The following HECW2 variants were observed in gnomAD, a reference collection of about 807,000 sequenced individuals.
HECW2 encodes the protein E3 ubiquitin-protein ligase HECW2.
Under a neutral mutation model 175.2 loss-of-function variants are expected in HECW2, and 61 were observed. The observed-to-expected ratio is 0.35, with a 90% CI of 0.28 to 0.43. HECW2 has a LOEUF of 0.43. HECW2 is among the 20% of genes least tolerant of loss of function. The pLI is 1.00. For missense variants in HECW2, 1,524 were observed against 2,000.5 expected (o/e 0.76, Z 4.54); for synonymous variants, 671 against 731.0 (o/e 0.92, Z 1.32).
intron 10 of HECW2, among the ~76,000 whole-genome samples, chr2:196,310,768 T>TTG (rs143340435): frequency 0.037 from 5,510 of 148,308 alleles, 135 homozygotes; most frequent in South Asian, 0.094. Flanking sequence ...AGCAACGATT[T>TTG]TGTGTGTGTG....
At chr2:196,524,058 T>C (rs1294350979) in intron 1 of HECW2, among the ~76,000 whole-genome samples, 1 of 146,342 alleles carries the variant, frequency 6.8e-6, no homozygotes, top group African/African-American at 2.6e-5. Context: ...ATGGTACCAG[T>C]TCCTCCTTGT....
At chr2:196,242,055 A>G (rs1468790831) in intron 20 of HECW2, 29 bp downstream of exon 20, 3 of 1,610,594 alleles carry the variant, frequency 1.9e-6, no homozygotes, top group Non-Finnish European at 2.5e-6. Context: ...CCATCTATAC[A>G]TTATGTGGTT....
At chr2:196,267,284 T>C (rs556972218) in intron 17 of HECW2, among the ~76,000 whole-genome samples, 5 of 152,362 alleles carry the variant, frequency 3.3e-5, no homozygotes, top group African/African-American at 1.2e-4. Context: ...AATTTTTAAA[T>C]GTGCATTACA....
chr2:196,501,537 C>T (rs1687577994), intron 1 of HECW2, among the ~76,000 whole-genome samples: 1 of 152,146 alleles, frequency 6.6e-6, no homozygotes, highest in African/African-American at 2.4e-5. Flanking sequence ...AGGCATGAGC[C>T]ACCATGCCTG....
chr2:196,389,924 A>C (rs1432060987), intron 2 of HECW2, among the ~76,000 whole-genome samples: 1 of 152,080 alleles, frequency 6.6e-6, no homozygotes, highest in Non-Finnish European at 1.5e-5. Flanking sequence ...GGACACTACA[A>C]AGGACTACAC....
rs80246139 is a variant in HECW2, at chr2:196,575,868, G to A, written c.-36+17640C>T. On this transcript the variant is annotated intron_variant, in intron 1 of 28. Coordinates refer to ENST00000644978, the MANE Select transcript of HECW2 (RefSeq NM_001348768.2). ...AAGCTCTTTTAAACAACCACCTCTT[G>A]CATGAACTAACAGAGCAATAACTCA... 5.2e-3 allele frequency among the ~76,000 whole-genome samples: 794 copies of A among 152,202 alleles called. 4 individuals are homozygous for A. The highest frequency in any genetic ancestry group is 0.032 in the South Asian group (155 of 4,822).
chr2:196,383,962 T>C (rs1341040500), intron 2 of HECW2, among the ~76,000 whole-genome samples: 2 of 152,198 alleles, frequency 1.3e-5, no homozygotes, highest in Non-Finnish European at 2.9e-5. Flanking sequence ...TACTCATCTG[T>C]AAAATGGCAA....
intron 3 of HECW2, among the ~76,000 whole-genome samples, chr2:196,335,243 T>G (rs762359403): frequency 6.6e-6 from 1 of 152,226 alleles, no homozygotes; most frequent in African/African-American, 2.4e-5. Flanking sequence ...TCCACTTTGA[T>G]AGAAAGTAAT....
At chr2:196,280,049 G>T (rs1027757768) in intron 14 of HECW2, among the ~76,000 whole-genome samples, 1 of 152,124 alleles carries the variant, frequency 6.6e-6, no homozygotes, top group Non-Finnish European at 1.5e-5. Flanking sequence ...GCCCAATGTT[G>T]TAAGTTTTCA....
chr2:196,399,573 G>C (rs1476706121), intron 2 of HECW2, among the ~76,000 whole-genome samples: 1 of 152,162 alleles, frequency 6.6e-6, no homozygotes, highest in East Asian at 1.9e-4. Flanking sequence ...ACAAACATTT[G>C]CTCACTTCTT....
chr2:196,521,939 AC>A (rs1476020538), intron 1 of HECW2, among the ~76,000 whole-genome samples: 1 of 151,994 alleles, frequency 6.6e-6, no homozygotes, highest in Admixed American at 6.6e-5. Flanking sequence ...GCCACAATAA[AC>A]ATACATGTGC....
intron 10 of HECW2, among the ~76,000 whole-genome samples, chr2:196,314,066 T>A (rs2105737229): frequency 6.6e-6 from 1 of 152,270 alleles, no homozygotes; most frequent in East Asian, 1.9e-4. Context: ...CAGTAGCTTG[T>A]CCCTAGGGTA....
At chr2:196,344,457 T>G (rs1404896568) in intron 2 of HECW2, among the ~76,000 whole-genome samples, 2 of 151,096 alleles carry the variant, frequency 1.3e-5, no homozygotes, top group African/African-American at 4.9e-5. Context: ...AAGAAAGTGG[T>G]AGTATTTGTA....
At position 196,194,364 on chromosome 2, in the gene HECW2, A is replaced by G. The variant is rs529845513; in HGVS notation, c.*6913T>C. ...TCCCCAAAAGTATTACAGAAAAGTC[A>G]TAATCTATTTTTTTTAAAGAAGATT... On this transcript the variant is annotated 3_prime_UTR_variant, in exon 29 of 29. Transcript: ENST00000644978. 180 of 152,234 alleles carry G rather than the reference A, an allele frequency of 1.2e-3. No individual in the cohort carries two copies. Among genetic ancestry groups the G allele is most frequent in the African/African-American group, 4.3e-3 (178 of 41,572 alleles). The allele number at this position is 152,234 out of a possible 1,614,324, so 9.4% of individuals were successfully genotyped here. A position where few individuals can be genotyped will look rare whatever the true frequency, so the allele number is the denominator to read the frequency against.
chr2:196,500,110 C>G, intron 1 of HECW2, among the ~76,000 whole-genome samples: 1 of 152,090 alleles, frequency 6.6e-6, no homozygotes, highest in East Asian at 1.9e-4. Flanking sequence ...ATTATATAAA[C>G]CTTTTGCTAA....
chr2:196,345,456 C>T (rs1213781024), intron 2 of HECW2, among the ~76,000 whole-genome samples: 1 of 152,186 alleles, frequency 6.6e-6, no homozygotes, highest in African/African-American at 2.4e-5. Context: ...TAGGTGGAAC[C>T]CTATGGAAAA....
chr2:196,261,443 A>G (rs1157909106), intron 17 of HECW2, among the ~76,000 whole-genome samples: 2 of 152,238 alleles, frequency 1.3e-5, no homozygotes, highest in African/African-American at 2.4e-5. Context: ...TTCAGGTTAC[A>G]CTATTAAATG....
At chr2:196,354,143 A>G (rs6751602) in intron 2 of HECW2, among the ~76,000 whole-genome samples, 40,462 of 152,164 alleles carry the variant, frequency 0.27, 7,102 homozygotes, top group African/African-American at 0.5. Context: ...CTGGAGCCAC[A>G]GGCCAGAGTG....
intron 28 of HECW2, among the ~76,000 whole-genome samples, chr2:196,207,145 G>A (rs1358550916): frequency 6.6e-6 from 1 of 152,212 alleles, no homozygotes; most frequent in Non-Finnish European, 1.5e-5. Context: ...AGCCAGGAGT[G>A]TTCTTGCAAA....
Sources: gnomAD v4.1 joint callset for allele counts (sites outside exome capture counted in the v4.1 genomes callset) on GRCh38, gnomAD v4.1.1 for gene constraint, MANE v1.5 for transcripts, NCBI Gene and HGNC (gene_info 2026-07-23, HGNC 2026-07-21) for gene names.